ABCC1: variants seen among roughly 807,000 people sequenced by gnomAD.
ABCC1 encodes the protein multidrug resistance-associated protein 1.
In ABCC1, 83 loss-of-function variants were observed where a neutral mutation model predicts 172.9. The observed-to-expected ratio is 0.48, with a 90% CI of 0.40 to 0.58. The LOEUF (loss-of-function observed/expected upper bound fraction) is 0.58, where lower values mean the gene tolerates loss of function less well. Ranked by LOEUF, ABCC1 falls within the 20% of genes least tolerant of loss-of-function variation. The pLI is 0.00. For missense variants in ABCC1, 1,817 were observed against 2,002.7 expected (o/e 0.91, Z 1.77); for synonymous variants, 937 against 825.2 (o/e 1.14, Z -2.32).
intron 1 of ABCC1, among the ~76,000 whole-genome samples, chr16:15,953,470 A>G (rs6498590): frequency 0.05 from 7,559 of 152,232 alleles, 580 homozygotes; most frequent in African/African-American, 0.17. Flanking sequence ...AGGTTACGTC[A>G]TCTCTCCGTG....
chr16:16,042,702 CAAA>C (rs60790951), intron 7 of ABCC1, among the ~76,000 whole-genome samples: 5 of 124,056 alleles, frequency 4.0e-5, no homozygotes, highest in Admixed American at 8.7e-5. Flanking sequence ...GACTCCATCT[CAAA>C]AAAAAAAAAA....
intron 27 of ABCC1, among the ~76,000 whole-genome samples, chr16:16,132,492 TTTGTTTTTTGGTTGG>T (rs1424393516): frequency 6.7e-6 from 1 of 148,150 alleles, no homozygotes; most frequent in Non-Finnish European, 1.5e-5. Context: ...AAGTTCTTTT[TTTGTTTTTTGGTTGG>T]TTGTTTTTTT....
chr16:16,127,724 GTCC>G (rs2045496302), intron 26 of ABCC1, among the ~76,000 whole-genome samples: 1 of 152,078 alleles, frequency 6.6e-6, no homozygotes, highest in Admixed American at 6.6e-5. Flanking sequence ...TGTAAGGTCT[GTCC>G]TCCTGAGGAA....
At chr16:15,998,310 G>T (rs576938818) in intron 1 of ABCC1, among the ~76,000 whole-genome samples, 1 of 151,712 alleles carries the variant, frequency 6.6e-6, no homozygotes, top group African/African-American at 2.4e-5. Context: ...TTTTTTTGGT[G>T]AAGACAGGGT....
At chr16:16,037,375 C>T (rs2048797925) in intron 7 of ABCC1, among the ~76,000 whole-genome samples, 1 of 152,236 alleles carries the variant, frequency 6.6e-6, no homozygotes, top group African/African-American at 2.4e-5. Context: ...ACTGCACCAC[C>T]TCTGTCACTC....
At chr16:16,053,249 C>T (rs2151906099) in intron 11 of ABCC1, among the ~76,000 whole-genome samples, 1 of 152,038 alleles carries the variant, frequency 6.6e-6, no homozygotes, top group South Asian at 2.1e-4. Flanking sequence ...TAGCTCTTAC[C>T]TTATAGGATA....
rs564624611 is a variant in ABCC1, at chr16:15,952,611, T to A, written c.48+2812T>A. On this transcript the variant is annotated intron_variant, in intron 1 of 30. Coordinates refer to ENST00000399410, the MANE Select transcript of ABCC1 (RefSeq NM_004996.4). ...CCTGAGGACAGGTCACAGCAGCCCT[T>A]GGCTTTCTTTTCTCATGGGGGTGGG... 4.0e-5 allele frequency among the ~76,000 whole-genome samples: 6 copies of A among 151,250 alleles called. No homozygotes were observed. The South Asian group carries it at 1.3e-3, about 32-fold the overall frequency.
At chr16:16,096,312 T>G (rs2051479186) in intron 19 of ABCC1, among the ~76,000 whole-genome samples, 1 of 152,150 alleles carries the variant, frequency 6.6e-6, no homozygotes, top group African/African-American at 2.4e-5. Context: ...TGTTGTTAGC[T>G]TTGGCATCTT....
At chr16:16,060,609 ATCTCCCAGTTCAAGCAAT>A (rs2049869538) in intron 12 of ABCC1, among the ~76,000 whole-genome samples, 1 of 151,790 alleles carries the variant, frequency 6.6e-6, no homozygotes, top group South Asian at 2.1e-4. Context: ...TGCAACCTCC[ATCTCCCAGTTCAAGCAAT>A]TCTCCTGCCT....
At chr16:15,984,769 C>T (rs2046707023) in intron 1 of ABCC1, among the ~76,000 whole-genome samples, 1 of 152,112 alleles carries the variant, frequency 6.6e-6, no homozygotes, top group African/African-American at 2.4e-5. Context: ...TAAACATATG[C>T]ACACGCATGC....
In ABCC1 at chr16:16,044,435, C is replaced by A. The variant is rs1398194648; in HGVS notation, c.810-15C>A. 1 of 1,611,088 alleles carries A rather than the reference C, an allele frequency of 6.2e-7. No homozygotes were observed. Among genetic ancestry groups the A allele is most frequent in the Admixed American group, 1.7e-5 (1 of 59,994 alleles). On this transcript the variant is annotated splice_polypyrimidine_tract_variant and intron_variant, in intron 7 of 30. Transcript: ENST00000399410. ...CTGGCAGACCCCACAACGGCTTCACCTCCTTGTGTTCCAGGCAGCCGGTGA... is the reference window on the plus strand; with the variant it reads ...CTGGCAGACCCCACAACGGCTTCACATCCTTGTGTTCCAGGCAGCCGGTGA...
Position 16,024,657 on chromosome 16 carries a change from G to A in ABCC1, c.615+8036G>A, listed in dbSNP as rs114721253. 4.8e-3 allele frequency among the ~76,000 whole-genome samples: 738 copies of A among 152,274 alleles called. 8 individuals carry two copies. Among genetic ancestry groups the A allele is most frequent in the African/African-American group, 0.017 (712 of 41,560 alleles). On this transcript the variant is annotated intron_variant, in intron 5 of 30. Coordinates refer to ENST00000399410, the MANE Select transcript of ABCC1 (RefSeq NM_004996.4). The stretch of plus-strand genomic sequence containing the variant: ...ATGGGTGAACCACCACATCCAGCCA[G>A]GACTTGGAATTTTAACCCTACTGTG...
chr16:16,010,048 TTTTTTTTTTTTTA>T, intron 3 of ABCC1, 147 bp downstream of exon 3: 1 of 634,458 alleles, frequency 1.6e-6, no homozygotes, highest in Non-Finnish European at 2.3e-6. Flanking sequence ...TTTTTTTTTT[TTTTTTTTTTTTTA>T]AAGACATGAG....
chr16:16,016,652 G>A lies in ABCC1; in HGVS notation c.615+31G>A, dbSNP rs200207752. ...TGTGACCACAGATGAGTGTGTGTGCGTGTGTGTGTGAGAGAGATGCGTGAC... is the reference window on the plus strand; with the variant it reads ...TGTGACCACAGATGAGTGTGTGTGCATGTGTGTGTGAGAGAGATGCGTGAC... On this transcript the variant is annotated intron_variant, in intron 5 of 30. Transcript: ENST00000399410. 1.1e-4 allele frequency: 176 copies of A among 1,610,180 alleles called. 1 individual carries two copies. In the African/African-American group the frequency reaches 1.5e-3, roughly 14 times the overall value.
chr16:16,138,360 C>T lies in ABCC1; in HGVS notation c.4293-4C>T, dbSNP rs760557387. The T allele has an allele frequency of 6.4e-7, 1 of 1,574,532 alleles. No homozygotes were observed. Among genetic ancestry groups the T allele is most frequent in the Non-Finnish European group, 8.7e-7 (1 of 1,150,802 alleles). On this transcript the variant is annotated splice_polypyrimidine_tract_variant and splice_region_variant and intron_variant, in intron 29 of 30. Transcript: ENST00000399410. The stretch of plus-strand genomic sequence containing the variant: ...TATCTCCTGGTTTTTTTCTTCCGGT[C>T]AAGTGTCGGGCAGCGCCAGCTTGTG...
chr16:16,003,501 T>C lies in ABCC1; in HGVS notation c.49-4315T>C, dbSNP rs563471491. ...TGGGTAGGTGCATGGATGAATGAAT[T>C]GGTGGGTTGGTGGATGGGTGGATGA... On this transcript the variant is annotated intron_variant, in intron 1 of 30. Coordinates refer to ENST00000399410, the MANE Select transcript of ABCC1 (RefSeq NM_004996.4). Among the ~76,000 whole-genome samples, 729 of 138,684 alleles carry C rather than the reference T, an allele frequency of 5.3e-3. 16 individuals are homozygous for C. The highest frequency in any genetic ancestry group is 0.019 in the African/African-American group (678 of 36,372). 91.0% of individuals were successfully genotyped at this position (138,684 alleles called of 152,430 possible).
At chr16:16,114,695 G>T (rs2044771328) in intron 22 of ABCC1, 71 bp from the exon 23 acceptor site, 1 of 1,449,838 alleles carries the variant, frequency 6.9e-7, no homozygotes, top group Non-Finnish European at 9.2e-7. Flanking sequence ...CGTCCACATG[G>T]CCACTCCTCC....
At chr16:16,131,126 A>G (rs1019735034) in intron 26 of ABCC1, among the ~76,000 whole-genome samples, 3 of 152,234 alleles carry the variant, frequency 2.0e-5, no homozygotes, top group African/African-American at 7.2e-5. Context: ...ATCTCAAAAA[A>G]AAAAGAACAA....
At chr16:15,978,824 G>A (rs527480844) in intron 1 of ABCC1, among the ~76,000 whole-genome samples, 39 of 152,216 alleles carry the variant, frequency 2.6e-4, no homozygotes, top group South Asian at 1.7e-3. Flanking sequence ...GTCACAGTTT[G>A]GGATGGGGGT....
Sources: allele counts gnomAD v4.1 joint callset (sites outside exome capture counted in the v4.1 genomes callset), GRCh38; gene constraint gnomAD v4.1.1; transcripts MANE v1.5; gene names NCBI Gene and HGNC (gene_info 2026-07-23, HGNC 2026-07-21).